Variants in ADAMTS19 observed in about 807,000 individuals in gnomAD.
ADAMTS19 encodes A disintegrin and metalloproteinase with thrombospondin motifs 19.
In ADAMTS19, 93 loss-of-function variants were observed where a neutral mutation model predicts 153.3. That is an observed-to-expected ratio of 0.61 (90% CI 0.51 to 0.72). The LOEUF (loss-of-function observed/expected upper bound fraction) is 0.72, where lower values mean the gene tolerates loss of function less well. ADAMTS19 is among the 30% of genes least tolerant of loss of function. The pLI, the probability that ADAMTS19 is intolerant of heterozygous loss-of-function variation, is 0.00. For synonymous variants in ADAMTS19, 600 were observed against 556.6 expected (o/e 1.08, Z -1.10); for missense variants, 1,482 against 1,552.1 (o/e 0.95, Z 0.76).
chr5:129,665,488 G>T lies in ADAMTS19; in HGVS notation c.2426-11G>T. ...CTCAAGATTTATTTCATGTTTTATTGACTCTTACAGGTTATGTAGAAGTGC... is the reference window on the plus strand; with the variant it reads ...CTCAAGATTTATTTCATGTTTTATTTACTCTTACAGGTTATGTAGAAGTGC... On this transcript the variant is annotated splice_polypyrimidine_tract_variant and intron_variant, in intron 15 of 22. Transcript: ENST00000274487. 1 of 1,576,664 alleles carries T rather than the reference G, an allele frequency of 6.3e-7. No homozygotes were observed. The highest frequency in any genetic ancestry group is 1.2e-5 in the South Asian group (1 of 86,270).
At chr5:129,726,337 A>T (rs1210031352) in intron 21 of ADAMTS19, among the ~76,000 whole-genome samples, 1 of 152,192 alleles carries the variant, frequency 6.6e-6, no homozygotes, top group African/African-American at 2.4e-5. Context: ...TCCTTGTAAA[A>T]GAAATTTCAA....
rs190830306 is a variant in ADAMTS19 at position 129,528,482 on chromosome 5, G to A, written c.1171-38G>A. On this transcript the variant is annotated intron_variant, in intron 5 of 22. Coordinates refer to ENST00000274487, the MANE Select transcript of ADAMTS19 (RefSeq NM_133638.6). ...TTGTTGTTGTTTTGTATATACCTAA[G>A]AATAATATGCCTTGTGATGAGCTCT... 1.2e-4 allele frequency: 186 copies of A among 1,494,424 alleles called. 3 individuals carry two copies. In the African/African-American group the frequency reaches 2.3e-3, roughly 19 times the overall value. 92.6% of individuals were successfully genotyped at this position (1,494,424 alleles called of 1,614,324 possible). A position where few individuals can be genotyped will look rare whatever the true frequency, so the allele number is the denominator to read the frequency against.
At chr5:129,602,898 T>G (rs1750730213) in intron 8 of ADAMTS19, among the ~76,000 whole-genome samples, 1 of 151,904 alleles carries the variant, frequency 6.6e-6, no homozygotes, top group African/African-American at 2.4e-5. Flanking sequence ...GAATTTACTT[T>G]ATTATGCATA....
At chr5:129,460,819 T>C in intron 1 of ADAMTS19, 1 of 473,662 alleles carries the variant, frequency 2.1e-6, no homozygotes. Context: ...TTACTCGTGC[T>C]GGAGTCTTTG....
chr5:129,509,133 A>C lies in ADAMTS19; in HGVS notation c.804A>C (p.Thr268=). 1 of 1,611,816 alleles carries C rather than the reference A, an allele frequency of 6.2e-7. No homozygotes were observed. Among genetic ancestry groups the C allele is most frequent in the Non-Finnish European group, 8.5e-7 (1 of 1,178,564 alleles). The change falls in exon 3 of 23, where the codon ACA becomes ACC. Residue 268 remains threonine (T), a synonymous_variant. Coordinates refer to ENST00000274487, the MANE Select transcript of ADAMTS19 (RefSeq NM_133638.6). ...DFIFIEPLND[T]MAITGHPHRV... is the part of the protein sequence containing the mutation. ...TATTTATTGAGCCACTCAATGATACAATGGCCATAACAGGTCACCCACACC... is the reference window on the plus strand; with the variant it reads ...TATTTATTGAGCCACTCAATGATACCATGGCCATAACAGGTCACCCACACC...
At chr5:129,571,143 A>G (rs1396843791) in intron 7 of ADAMTS19, among the ~76,000 whole-genome samples, 1 of 151,910 alleles carries the variant, frequency 6.6e-6, no homozygotes, top group African/African-American at 2.4e-5. Context: ...AGAAAACATT[A>G]TTGTTTACAT....
At chr5:129,487,623 A>G (rs1750642336) in intron 2 of ADAMTS19, among the ~76,000 whole-genome samples, 1 of 152,082 alleles carries the variant, frequency 6.6e-6, no homozygotes. Flanking sequence ...TAATTAATGC[A>G]ACTGGATTTA....
intron 19 of ADAMTS19, among the ~76,000 whole-genome samples, chr5:129,700,916 T>C (rs2127159676): frequency 6.6e-6 from 1 of 150,598 alleles, no homozygotes; most frequent in East Asian, 2.0e-4. Flanking sequence ...AAAAAAAAGG[T>C]ATAAAGTCTC....
intron 16 of ADAMTS19, among the ~76,000 whole-genome samples, chr5:129,672,072 GGGTGCCAGCAT>G (rs1754325524): frequency 6.6e-6 from 1 of 152,126 alleles, no homozygotes; most frequent in South Asian, 2.1e-4. Context: ...GTGAGATCAA[GGGTGCCAGCAT>G]GGTGGGCTTC....
chr5:129,676,965 C>G (rs1217919683), intron 16 of ADAMTS19, among the ~76,000 whole-genome samples: 3 of 151,954 alleles, frequency 2.0e-5, no homozygotes, highest in Admixed American at 1.3e-4. Flanking sequence ...ACATTGTGCC[C>G]TAAAAATGTA....
chr5:129,569,553 A>G (rs1323760727), intron 7 of ADAMTS19, among the ~76,000 whole-genome samples: 1 of 152,136 alleles, frequency 6.6e-6, no homozygotes, highest in Non-Finnish European at 1.5e-5. Context: ...TCCAAAGGGA[A>G]AGGAACATTT....
At chr5:129,653,017 C>T (rs1431895707) in intron 13 of ADAMTS19, among the ~76,000 whole-genome samples, 1 of 152,084 alleles carries the variant, frequency 6.6e-6, no homozygotes, top group Admixed American at 6.6e-5. Flanking sequence ...GTTCCAACTC[C>T]CCAAAATTGT....
chr5:129,719,115 T>A (rs1756860047), intron 21 of ADAMTS19, among the ~76,000 whole-genome samples: 1 of 152,182 alleles, frequency 6.6e-6, no homozygotes, highest in African/African-American at 2.4e-5. Context: ...AACAGACTGC[T>A]GTTAGTTGAG....
chr5:129,603,034 A>G (rs534218305), intron 8 of ADAMTS19, among the ~76,000 whole-genome samples: 13 of 152,176 alleles, frequency 8.5e-5, no homozygotes, highest in Admixed American at 4.6e-4. Context: ...TCCCTCATTG[A>G]AAGAGTCTTG....
Position 129,641,953 on chromosome 5 carries a change from T to C in ADAMTS19, c.1865T>C (p.Leu622Pro), listed in dbSNP as rs1169440232. 1 of 1,587,634 alleles carries C rather than the reference T, an allele frequency of 6.3e-7. No individual in the cohort carries two copies. The highest frequency in any genetic ancestry group is 8.6e-7 in the Non-Finnish European group (1 of 1,163,842). Residue 622 changes from leucine to proline, a missense_variant, in exon 11 of 23, where the codon CTT (leucine) becomes CCT (proline). By Grantham distance (98) the Leu-to-Pro change is moderately conservative. Coordinates refer to ENST00000274487, the MANE Select transcript of ADAMTS19 (RefSeq NM_133638.6). ...DPPMDGTDCD[L>P]GKWCKAGECT... ...CCAATGGATGGAACTGACTGTGACC[T>C]TGGTAAGGTAAGTCATTTGTGTTGT...
intron 2 of ADAMTS19, among the ~76,000 whole-genome samples, chr5:129,487,574 A>G (rs562480846): frequency 6.6e-6 from 1 of 152,044 alleles, no homozygotes; most frequent in Non-Finnish European, 1.5e-5. Context: ...TCAGAGTTCT[A>G]TTTGTGGATC....
At chr5:129,675,728 C>T (rs1754521181) in intron 16 of ADAMTS19, among the ~76,000 whole-genome samples, 2 of 152,170 alleles carry the variant, frequency 1.3e-5, no homozygotes, top group South Asian at 4.1e-4. Flanking sequence ...AACATACTTA[C>T]AATAGCTCTT....
chr5:129,530,475 G>A (rs541128530), intron 6 of ADAMTS19, among the ~76,000 whole-genome samples: 2 of 152,190 alleles, frequency 1.3e-5, no homozygotes, highest in East Asian at 3.9e-4. Context: ...AGCGTTGTGG[G>A]GAGCAGAGGG....
rs73242257 is a variant in ADAMTS19 at position 129,506,194 on chromosome 5, C to G, written c.748-2883C>G. 5.9e-5 allele frequency among the ~76,000 whole-genome samples: 9 copies of G among 152,186 alleles called. No homozygotes were observed. In the East Asian group the frequency reaches 1.7e-3, roughly 29 times the overall value. On this transcript the variant is annotated intron_variant, in intron 2 of 22. Coordinates refer to ENST00000274487, the MANE Select transcript of ADAMTS19 (RefSeq NM_133638.6). Reference sequence around the variant, plus strand: ...TCCTATAATTCTGCTTTAATATGAGCCAGTATCTTGAATGACACATATTCA... The same window carrying G: ...TCCTATAATTCTGCTTTAATATGAGGCAGTATCTTGAATGACACATATTCA...
Sources: allele counts gnomAD v4.1 joint callset (sites outside exome capture counted in the v4.1 genomes callset), GRCh38; gene constraint gnomAD v4.1.1; transcripts MANE v1.5; gene names NCBI Gene and HGNC (gene_info 2026-07-23, HGNC 2026-07-21).